Variants in MYOM2 observed in about 807,000 individuals in gnomAD.
The protein encoded by MYOM2 is myomesin-2.
Under a neutral mutation model 187.6 loss-of-function variants are expected in MYOM2, and 254 were observed. The ratio of observed to expected loss-of-function variants is 1.35; its 90% CI spans 1.22 to 1.50. MYOM2 has a LOEUF of 1.50. Ranked by LOEUF, MYOM2 falls within the 40% of genes most tolerant of loss-of-function variation. MYOM2 has a pLI of 0.00. For missense variants in MYOM2, 2,796 were observed against 1,924.0 expected (o/e 1.45, Z -8.48); for synonymous variants, 981 against 753.8 (o/e 1.30, Z -4.94).
chr8:2,122,471 A>T (rs1797490725), intron 28 of MYOM2, among the ~76,000 whole-genome samples: 1 of 152,222 alleles, frequency 6.6e-6, no homozygotes, highest in African/African-American at 2.4e-5. Flanking sequence ...CCCATAGCGG[A>T]TGTGGAAATT....
chr8:2,121,159 C>T (rs1339034836), intron 28 of MYOM2, among the ~76,000 whole-genome samples: 4 of 152,154 alleles, frequency 2.6e-5, no homozygotes, highest in Non-Finnish European at 5.9e-5. Context: ...TTACCCTGCA[C>T]AGAAAGGTAT....
rs151260654 is a variant in MYOM2 at position 2,068,705 on chromosome 8, A to G, written c.654-573A>G. ...CGGACCACCTTAGAACTCGCATGGGATGGACTGCCCCATGGGAACGACTCC... is the reference window on the plus strand; with the variant it reads ...CGGACCACCTTAGAACTCGCATGGGGTGGACTGCCCCATGGGAACGACTCC... On this transcript the variant is annotated intron_variant, in intron 6 of 36. Transcript: ENST00000262113. 1.5e-3 allele frequency among the ~76,000 whole-genome samples: 229 copies of G among 152,264 alleles called. 1 individual carries two copies. Among genetic ancestry groups the G allele is most frequent in the African/African-American group, 5.3e-3 (222 of 41,552 alleles).
intron 10 of MYOM2, among the ~76,000 whole-genome samples, chr8:2,073,752 C>T (rs971832323): frequency 5.9e-5 from 9 of 152,214 alleles, no homozygotes; most frequent in Admixed American, 5.9e-4. Context: ...TCTCTTGAAT[C>T]GTTCATATAG....
At chr8:2,085,599 T>A (rs1404971046) in intron 14 of MYOM2, among the ~76,000 whole-genome samples, 80 of 7,518 alleles carry the variant, frequency 0.011, 29 homozygotes, top group Middle Eastern at 0.25. Context: ...GTGGCCCCAC[T>A]GTCGTGATCT....
chr8:2,111,975 G>A (rs1797081877), intron 25 of MYOM2, among the ~76,000 whole-genome samples: 1 of 152,174 alleles, frequency 6.6e-6, no homozygotes, highest in South Asian at 2.1e-4. Context: ...ATCAAAACCT[G>A]GGGTAGGAGT....
rs564331393 is a variant in MYOM2, at chr8:2,064,583, G to A, written c.654-4695G>A. On this transcript the variant is annotated intron_variant, in intron 6 of 36. Transcript: ENST00000262113. ...CGGATGGAGGGCTTCTTCCCCCAGT[G>A]GCTCCTGCCTCTGAGCACCAAGTGC... Among the ~76,000 whole-genome samples the A allele has an allele frequency of 6.4e-4, 97 of 152,346 alleles. 1 individual carries two copies. Among genetic ancestry groups the A allele is most frequent in the South Asian group, 1.9e-3 (9 of 4,830 alleles).
chr8:2,057,693 T>C lies in MYOM2; in HGVS notation c.473T>C (p.Val158Ala). Residue 158 changes from valine to alanine, a missense_variant, in exon 5 of 37, where the codon GTG (valine) becomes GCG (alanine). Physicochemically the swap from Val to Ala is moderately conservative, Grantham distance 64 (BLOSUM62 0). Transcript: ENST00000262113. The part of the protein sequence containing the change: ...ERISRAPEIL[V>A]RLRSHTVWER... ...ATAAGCAGGGCTCCTGAGATCCTGG[T>C]GCGGCTGCGATCCCACACCGTCTGG... 1 of 1,614,062 alleles carries C rather than the reference T, an allele frequency of 6.2e-7. No individual in the cohort carries two copies. The highest frequency in any genetic ancestry group is 8.5e-7 in the Non-Finnish European group (1 of 1,180,014).
chr8:2,051,311 G>T (rs1818477537), intron 2 of MYOM2, among the ~76,000 whole-genome samples: 1 of 152,192 alleles, frequency 6.6e-6, no homozygotes, highest in African/African-American at 2.4e-5. Context: ...GATCATGGAT[G>T]TGCCGAGATC....
chr8:2,069,540 G>A, intron 8 of MYOM2, 43 bp downstream of exon 8: 1 of 1,608,690 alleles, frequency 6.2e-7, no homozygotes, highest in South Asian at 1.1e-5. Flanking sequence ...GAAATGTTTA[G>A]TGACATAGCA....
chr8:2,069,177 A>T, intron 6 of MYOM2, 101 bp from the exon 7 acceptor site: 1 of 1,130,820 alleles, frequency 8.8e-7, no homozygotes, highest in Non-Finnish European at 1.3e-6. Context: ...CAAATAAACC[A>T]CGCCATGTGA....
At chr8:2,065,414 C>CA (rs1461503152) in intron 6 of MYOM2, among the ~76,000 whole-genome samples, 1 of 152,016 alleles carries the variant, frequency 6.6e-6, no homozygotes, top group African/African-American at 2.4e-5. Flanking sequence ...ACTAAAAATA[C>CA]AAAAAATTAG....
intron 8 of MYOM2, among the ~76,000 whole-genome samples, chr8:2,070,699 C>T (rs1238093251): frequency 2.0e-5 from 3 of 152,224 alleles, no homozygotes; most frequent in African/African-American, 7.2e-5. Flanking sequence ...GAAGAATGCT[C>T]ATGTGTTCAC....
intron 3 of MYOM2, among the ~76,000 whole-genome samples, chr8:2,054,236 C>T (rs1412242636): frequency 6.6e-6 from 1 of 152,140 alleles, no homozygotes; most frequent in Non-Finnish European, 1.5e-5. Context: ...TGCTGATGTC[C>T]CTGTGTCAAA....
At chr8:2,104,913 G>T (rs1296945983) in intron 21 of MYOM2, among the ~76,000 whole-genome samples, 1 of 152,126 alleles carries the variant, frequency 6.6e-6, no homozygotes, top group African/African-American at 2.4e-5. Flanking sequence ...CTATCTTAAC[G>T]ACCTAATCAC....
At chr8:2,112,741 C>G (rs1469164939) in intron 25 of MYOM2, among the ~76,000 whole-genome samples, 1 of 152,144 alleles carries the variant, frequency 6.6e-6, no homozygotes, top group Non-Finnish European at 1.5e-5. Flanking sequence ...AATGTAAACT[C>G]AGAGAGAAAG....
chr8:2,080,492 C>G (rs6558599), intron 13 of MYOM2, among the ~76,000 whole-genome samples: 15,278 of 152,224 alleles, frequency 0.1, 860 homozygotes, highest in Non-Finnish European at 0.12. Flanking sequence ...CAAAAGAAGA[C>G]CGTTGAGAGT....
intron 32 of MYOM2, 57 bp from the exon 33 acceptor site, chr8:2,140,666 A>C (rs1470653330): frequency 6.4e-7 from 1 of 1,571,790 alleles, no homozygotes; most frequent in Non-Finnish European, 8.7e-7. Flanking sequence ...CCCTGTAGAC[A>C]TTGTGCGTGT....
chr8:2,106,192 G>A (rs780122214), intron 21 of MYOM2, 50 bp from the exon 22 acceptor site: 3 of 1,576,774 alleles, frequency 1.9e-6, no homozygotes, highest in Non-Finnish European at 2.6e-6. Flanking sequence ...AAAGAGAGTT[G>A]AAAGAACACC....
intron 1 of MYOM2, among the ~76,000 whole-genome samples, chr8:2,047,954 C>A (rs768621128): frequency 4.6e-5 from 7 of 152,230 alleles, no homozygotes; most frequent in Non-Finnish European, 7.3e-5. Context: ...AGTCTGTGAG[C>A]TCTCAAGACC....
Sources: gnomAD v4.1 joint callset for allele counts (sites outside exome capture counted in the v4.1 genomes callset) on GRCh38, gnomAD v4.1.1 for gene constraint, MANE v1.5 for transcripts, NCBI Gene and HGNC (gene_info 2026-07-23, HGNC 2026-07-21) for gene names.